WDR38: variants seen among roughly 807,000 people sequenced by gnomAD.
The protein encoded by WDR38 is WD repeat domain 38, also known as WD repeat-containing protein 38.
Under a neutral mutation model 36.6 loss-of-function variants are expected in WDR38, and 37 were observed. The ratio of observed to expected loss-of-function variants is 1.01; its 90% CI spans 0.78 to 1.33. The LOEUF is 1.33. Ranked by LOEUF, WDR38 falls within the 40% of genes most tolerant of loss-of-function variation. The pLI is 0.00. For missense variants in WDR38, 411 were observed against 414.6 expected (o/e 0.99, Z 0.07); for synonymous variants, 164 against 168.1 (o/e 0.98, Z 0.19).
rs750418164 is a variant in WDR38, at chr9:124,855,589, AGTGGCGGGCAGTGCTCTGTCCCCTGACT to A, written c.191-39_191-12del. 10 of 1,564,546 alleles carry A rather than the reference AGTGGCGGGCAGTGCTCTGTCCCCTGACT, an allele frequency of 6.4e-6. No individual in the cohort carries two copies. The South Asian group carries it at 1.1e-4, about 18-fold the overall frequency. On this transcript the variant is annotated splice_polypyrimidine_tract_variant and intron_variant, in intron 2 of 8. Coordinates refer to ENST00000373574, the MANE Select transcript of WDR38 (RefSeq NM_001045476.3). ...GCAAGGATTGGACTGCGTGGGCAGA[AGTGGCGGGCAGTGCTCTGTCCCCTGACT>A]GTGGCCACCCGCCCAGGCCCCGTGA...
chr9:124,857,280 T>G, intron 7 of WDR38, 84 bp from the exon 8 acceptor site: 1 of 1,569,534 alleles, frequency 6.4e-7, no homozygotes, highest in Non-Finnish European at 8.8e-7. Flanking sequence ...TCATCTCATA[T>G]TTTGTCTGGG....
At chr9:124,854,882 G>A (rs886803927) in intron 2 of WDR38, among the ~76,000 whole-genome samples, 12 of 152,174 alleles carry the variant, frequency 7.9e-5, no homozygotes, top group African/African-American at 2.9e-4. Context: ...CCATTTTTAA[G>A]TGTACAGTTC....
Position 124,854,341 on chromosome 9 carries a change from C to T in WDR38, c.190+16C>T. 1 of 1,612,978 alleles carries T rather than the reference C, an allele frequency of 6.2e-7. No homozygotes were observed. Among genetic ancestry groups the T allele is most frequent in the Non-Finnish European group, 8.5e-7 (1 of 1,179,816 alleles). On this transcript the variant is annotated intron_variant, in intron 2 of 8. Coordinates refer to ENST00000373574, the MANE Select transcript of WDR38 (RefSeq NM_001045476.3). ...GGCCACACAGGTGGGGCTCCCACAC[C>T]TGGCCGGGAAGACCGAGGCACAAGG...
chr9:124,855,482 A>T, intron 2 of WDR38, 152 bp from the exon 3 acceptor site: 1 of 771,216 alleles, frequency 1.3e-6, no homozygotes, highest in Non-Finnish European at 2.1e-6. Flanking sequence ...AGCCCAGCCC[A>T]GGCCAAGGCA....
Position 124,854,278 on chromosome 9 carries a change from G to A in WDR38, c.143G>A (p.Trp48Ter). Reference protein sequence around the residue: ...TGSEDGCVYGWETRSGQLLWR... With the variant: ...TGSEDGCVYG ...TCAGAAGATGGCTGCGTGTATGGCT[G>A]GGAGACCCGGAGTGGGCAGCTGCTG... The change falls in exon 2 of 9, where the codon TGG (tryptophan) becomes TAG (stop). Residue 48 changes from tryptophan to a stop codon, truncating the protein, a stop_gained. Transcript: ENST00000373574. LOFTEE classifies it high-confidence loss of function. 1.2e-6 allele frequency: 2 copies of A among 1,614,090 alleles called. No individual in the cohort carries two copies. Among genetic ancestry groups the A allele is most frequent in the Admixed American group, 3.3e-5 (2 of 60,036 alleles).
At chr9:124,855,987 T>G in intron 4 of WDR38, 29 bp downstream of exon 4, 1 of 1,613,368 alleles carries the variant, frequency 6.2e-7, no homozygotes, top group Non-Finnish European at 8.5e-7. Flanking sequence ...GCCACCAGTC[T>G]GGGATTCAAG....
chr9:124,857,292 C>G, intron 7 of WDR38, 72 bp from the exon 8 acceptor site: 1 of 1,599,196 alleles, frequency 6.3e-7, no homozygotes, highest in Non-Finnish European at 8.6e-7. Flanking sequence ...TTGTCTGGGA[C>G]TTTCCTGGAG....
At position 124,857,502 on chromosome 9, in the gene WDR38, G is replaced by A; in HGVS notation, c.817G>A (p.Gly273Arg). 6.2e-7 allele frequency: 1 copy of A among 1,614,164 alleles called. No individual in the cohort carries two copies. Among genetic ancestry groups the A allele is most frequent in the Non-Finnish European group, 8.5e-7 (1 of 1,180,022 alleles). The change falls in exon 9 of 9, where the codon GGA (glycine) becomes AGA (arginine). Residue 273 changes from glycine (G) to arginine (R), a missense_variant and splice_region_variant. By Grantham distance (125) the Gly-to-Arg change is moderately radical. Coordinates refer to ENST00000373574, the MANE Select transcript of WDR38 (RefSeq NM_001045476.3). ...NTGKCLETLK[G>R]VLDVAHTCAF... ...GAGCCCCACCTTCTACTCTTAGCAG[G>A]GAGTCCTGGATGTGGCCCACACCTG...
At position 124,855,740 on chromosome 9, in the gene WDR38, G is replaced by A. The variant is rs377235212; in HGVS notation, c.297G>A (p.Arg99=). 8.1e-6 allele frequency: 13 copies of A among 1,613,180 alleles called. No homozygotes were observed. The highest frequency in any genetic ancestry group is 4.4e-5 in the South Asian group (4 of 91,090). ...LWDVARAKCL[R]VLKGHQRSVE... ...ATGTGGCAAGAGCGAAGTGTCTGCGGGTCCTGAAGGGTGAGTGAGCTGGGA... is the reference window on the plus strand; with the variant it reads ...ATGTGGCAAGAGCGAAGTGTCTGCGAGTCCTGAAGGGTGAGTGAGCTGGGA... The change falls in exon 3 of 9, where the codon CGG becomes CGA. Residue 99 remains arginine, a synonymous_variant. Transcript: ENST00000373574.
intron 1 of WDR38, among the ~76,000 whole-genome samples, chr9:124,853,959 A>G (rs1239179214): frequency 6.6e-6 from 1 of 152,028 alleles, no homozygotes; most frequent in Non-Finnish European, 1.5e-5. Flanking sequence ...GCGGCTCTGG[A>G]ATGGGCTCTT....
rs780037480 is a variant in WDR38 at position 124,857,421 on chromosome 9, G to A, written c.816+10G>A. 35 of 1,614,000 alleles carry A rather than the reference G, an allele frequency of 2.2e-5. No individual in the cohort carries two copies. Among genetic ancestry groups the A allele is most frequent in the African/African-American group, 5.3e-5 (4 of 74,886 alleles). ...CCTTGAGACCCTGAAGGTAAGGCAC[G>A]GCGCTGTGGCACTGAGGAAGCTGTG... On this transcript the variant is annotated intron_variant, in intron 8 of 8. Coordinates refer to ENST00000373574, the MANE Select transcript of WDR38 (RefSeq NM_001045476.3).
At chr9:124,853,745 C>A in intron 1 of WDR38, 145 bp downstream of exon 1, 2 of 622,864 alleles carry the variant, frequency 3.2e-6, no homozygotes, top group Non-Finnish European at 2.4e-6. Context: ...CAAGAAGGAT[C>A]GAAGTAGGTT....
intron 4 of WDR38, 38 bp from the exon 5 acceptor site, chr9:124,856,202 G>A (rs1292875021): frequency 4.3e-6 from 7 of 1,613,594 alleles, no homozygotes; most frequent in Non-Finnish European, 5.1e-6. Flanking sequence ...GTAGCCGGCT[G>A]CCCTCTGCTG....
At chr9:124,853,719 G>A in intron 1 of WDR38, 119 bp downstream of exon 1, 1 of 783,714 alleles carries the variant, frequency 1.3e-6, no homozygotes, top group Non-Finnish European at 1.7e-6. Context: ...TGAGTCCAGA[G>A]TAGACTTTGC....
chr9:124,856,761 C>A lies in WDR38; in HGVS notation c.648C>A (p.His216Gln). ...LASGSWDKTIHIWKPTTSSLL... is the reference protein window; with the variant it reads ...LASGSWDKTIQIWKPTTSSLL... Reference sequence around the variant, plus strand: ...CCGGCTCCTGGGACAAGACCATCCACATCTGGAAGCCCACAACCAGCAGCC... The same window carrying A: ...CCGGCTCCTGGGACAAGACCATCCAAATCTGGAAGCCCACAACCAGCAGCC... Residue 216 changes from histidine to glutamine, a missense_variant, in exon 7 of 9, where the codon CAC becomes CAA. Coordinates refer to ENST00000373574, the MANE Select transcript of WDR38 (RefSeq NM_001045476.3). 1 of 1,614,252 alleles carries A rather than the reference C, an allele frequency of 6.2e-7. No individual in the cohort carries two copies. The highest frequency in any genetic ancestry group is 2.2e-5 in the East Asian group (1 of 44,882).
chr9:124,853,519 G>A lies in WDR38; in HGVS notation c.-13G>A, dbSNP rs1212074264. On this transcript the variant is annotated 5_prime_UTR_variant, in exon 1 of 9. Transcript: ENST00000373574. ...GGAGGGAGCCCGCCGGGGCGGGGCG[G>A]GGCCGGGTGCCCATGAACAGCGGGG... 8.0e-7 allele frequency: 1 copy of A among 1,243,282 alleles called. No homozygotes were observed. Among genetic ancestry groups the A allele is most frequent in the African/African-American group, 1.6e-5 (1 of 64,500 alleles). The allele number at this position is 1,243,282 out of a possible 1,614,324, so 77.0% of individuals were successfully genotyped here.
At position 124,856,719 on chromosome 9, in the gene WDR38, G is replaced by C. The variant is rs773114326; in HGVS notation, c.619-13G>C. 1.2e-6 allele frequency: 2 copies of C among 1,613,984 alleles called. No homozygotes were observed. Among genetic ancestry groups the C allele is most frequent in the East Asian group, 2.2e-5 (1 of 44,874 alleles). The stretch of plus-strand genomic sequence containing the variant: ...GCCCCAAACCCTGGGGATCAGAGCT[G>C]TCTGCTGTCCAGGCATCCGGCTCCT... On this transcript the variant is annotated splice_polypyrimidine_tract_variant and intron_variant, in intron 6 of 8. Transcript: ENST00000373574.
In WDR38 at chr9:124,857,673, A is replaced by C. The variant is rs1766737699; in HGVS notation, c.*43A>C. Reference sequence around the variant, plus strand: ...GGTGCCGACCTCACCCGCTCCCCTCAGTGGCGCACAGGCATGCCGCTTCTC... The same window carrying C: ...GGTGCCGACCTCACCCGCTCCCCTCCGTGGCGCACAGGCATGCCGCTTCTC... On this transcript the variant is annotated 3_prime_UTR_variant, in exon 9 of 9. Transcript: ENST00000373574. 1 of 1,610,704 alleles carries C rather than the reference A, an allele frequency of 6.2e-7. No individual in the cohort carries two copies.
At chr9:124,855,785 G>C in intron 3 of WDR38, 35 bp downstream of exon 3, 6 of 1,613,248 alleles carry the variant, frequency 3.7e-6, no homozygotes, top group Non-Finnish European at 5.1e-6. Context: ...CCAGGCCAGC[G>C]TTCCCTTTCA....
Sources: allele counts gnomAD v4.1 joint callset (sites outside exome capture counted in the v4.1 genomes callset), GRCh38; gene constraint gnomAD v4.1.1; transcripts MANE v1.5; gene names NCBI Gene and HGNC (gene_info 2026-07-23, HGNC 2026-07-21).